Variants in PDE1C observed in about 807,000 individuals in gnomAD.
PDE1C encodes the protein dual specificity calcium/calmodulin-dependent 3',5'-cyclic nucleotide phosphodiesterase 1C.
In PDE1C, 62 loss-of-function variants were observed where a neutral mutation model predicts 93.1. The observed-to-expected ratio is 0.67, with a 90% CI of 0.54 to 0.82. The LOEUF (loss-of-function observed/expected upper bound fraction) is 0.82. Among genes scored for constraint, PDE1C ranks in the 40% least tolerant of loss-of-function variants. The pLI is 0.00. For synonymous variants in PDE1C, 325 were observed against 310.1 expected, an observed-to-expected ratio of 1.05 and a Z score of -0.50; for missense variants, 742 against 884.6, an observed-to-expected ratio of 0.84 and a Z score of 2.04.
At chr7:32,150,112 A>C (rs1273347669) in intron 3 of PDE1C, among the ~76,000 whole-genome samples, 1 of 152,174 alleles carries the variant, frequency 6.6e-6, no homozygotes, top group Non-Finnish European at 1.5e-5. Flanking sequence ...GCTCTGCAGA[A>C]CTGACTCCCA....
At chr7:32,186,007 C>T (rs200574507) in intron 2 of PDE1C, among the ~76,000 whole-genome samples, 2 of 137,704 alleles carry the variant, frequency 1.5e-5, no homozygotes, top group African/African-American at 5.5e-5. Context: ...TCTAATTCGT[C>T]TTTGCTTTTA....
chr7:31,967,560 A>T (rs552414039), intron 2 of PDE1C, among the ~76,000 whole-genome samples: 3 of 152,210 alleles, frequency 2.0e-5, no homozygotes, highest in Non-Finnish European at 2.9e-5. Flanking sequence ...ATTCCTTCTA[A>T]AACTATTCCA....
intron 2 of PDE1C, among the ~76,000 whole-genome samples, chr7:32,191,448 C>G (rs1306217303): frequency 6.6e-6 from 1 of 152,018 alleles, no homozygotes; most frequent in Non-Finnish European, 1.5e-5. Context: ...ATAGTTGTGT[C>G]ATCTCGAGAA....
At chr7:32,310,529 G>C (rs1475954346) in intron 1 of PDE1C, among the ~76,000 whole-genome samples, 1 of 152,190 alleles carries the variant, frequency 6.6e-6, no homozygotes, top group East Asian at 1.9e-4. Context: ...AAATGTAAAA[G>C]AACAGAAATT....
At chr7:31,985,373 T>C (rs1783240334) in intron 2 of PDE1C, among the ~76,000 whole-genome samples, 1 of 151,426 alleles carries the variant, frequency 6.6e-6, no homozygotes, top group South Asian at 2.1e-4. Context: ...GAGAAATCTT[T>C]TTATCTCCAA....
chr7:32,072,131 C>T (rs568206721), upstream of PDE1C, among the ~76,000 whole-genome samples: 2 of 152,278 alleles, frequency 1.3e-5, no homozygotes, highest in South Asian at 4.1e-4. Flanking sequence ...ATCATAAATG[C>T]TCACCCACTT....
intron 3 of PDE1C, among the ~76,000 whole-genome samples, chr7:32,114,485 T>A (rs570395188): frequency 2.0e-5 from 3 of 152,134 alleles, no homozygotes; most frequent in Admixed American, 2.0e-4. Flanking sequence ...GACTAAAGAC[T>A]TAAATGTAAA....
chr7:31,880,904 A>G (rs753010813), intron 2 of PDE1C, 44 bp from the exon 3 acceptor site: 2 of 1,166,134 alleles, frequency 1.7e-6, no homozygotes, highest in Non-Finnish European at 2.6e-6. Flanking sequence ...TAGAGGAAAC[A>G]AAGAATAATC....
intron 2 of PDE1C, among the ~76,000 whole-genome samples, chr7:32,002,391 C>T (rs1785586028): frequency 1.3e-5 from 2 of 152,168 alleles, no homozygotes. Context: ...GACAAGATAT[C>T]ACCTAGTTGA....
the PDE1C span, among the ~76,000 whole-genome samples, chr7:31,718,302 A>T: frequency 6.6e-6 from 1 of 152,056 alleles, no homozygotes; most frequent in Non-Finnish European, 1.5e-5. Context: ...AAATGGGCCC[A>T]CCAAGAGATT....
intron 1 of PDE1C, among the ~76,000 whole-genome samples, chr7:32,356,224 C>T (rs991757456): frequency 1.3e-5 from 2 of 152,142 alleles, no homozygotes; most frequent in South Asian, 2.1e-4. Flanking sequence ...TTTTAGAACC[C>T]CAAGAAATCA....
At chr7:31,651,318 G>A in the PDE1C span, 2 of 1,591,772 alleles carry the variant, frequency 1.3e-6, no homozygotes, top group Admixed American at 3.5e-5. Flanking sequence ...CACACACCTG[G>A]AGCAAGGAAG....
At chr7:31,743,372 C>T in the PDE1C span, among the ~76,000 whole-genome samples, 1 of 152,148 alleles carries the variant, frequency 6.6e-6, no homozygotes, top group Non-Finnish European at 1.5e-5. Flanking sequence ...TCTTCCCCCT[C>T]CTTGGAATGT....
chr7:32,147,711 C>T (rs1800982166), intron 3 of PDE1C, among the ~76,000 whole-genome samples: 1 of 152,044 alleles, frequency 6.6e-6, no homozygotes, highest in African/African-American at 2.4e-5. Flanking sequence ...ACCCCCCCTC[C>T]AAGCATTGAG....
intron 3 of PDE1C, among the ~76,000 whole-genome samples, chr7:32,089,610 G>A (rs1374347023): frequency 2.6e-5 from 4 of 152,204 alleles, no homozygotes; most frequent in Admixed American, 2.6e-4. Context: ...CAGTTCTCGT[G>A]ATAGGAACTG....
At chr7:31,891,448 T>A (rs1172595048) in intron 2 of PDE1C, among the ~76,000 whole-genome samples, 1 of 152,162 alleles carries the variant, frequency 6.6e-6, no homozygotes, top group African/African-American at 2.4e-5. Context: ...TGTTGTATAT[T>A]AAAGATACTT....
intron 1 of PDE1C, among the ~76,000 whole-genome samples, chr7:32,410,464 G>A (rs1785146406): frequency 1.3e-5 from 2 of 151,992 alleles, no homozygotes; most frequent in African/African-American, 4.8e-5. Context: ...GAAGAGGAAG[G>A]AAACGATGGC....
At chr7:32,054,542 C>T (rs913424646) in intron 1 of PDE1C, among the ~76,000 whole-genome samples, 5 of 152,096 alleles carry the variant, frequency 3.3e-5, no homozygotes, top group South Asian at 2.1e-4. Context: ...AGGGCATGCA[C>T]GTTAACTGGC....
intron 2 of PDE1C, among the ~76,000 whole-genome samples, chr7:32,049,829 T>A (rs28179): frequency 0.89 from 134,910 of 152,198 alleles, 59,906 homozygotes; most frequent in African/African-American, 0.93. Flanking sequence ...CTTTATTTCC[T>A]AACTCTTCTC....
Sources: allele counts gnomAD v4.1 joint callset (sites outside exome capture counted in the v4.1 genomes callset), GRCh38; gene constraint gnomAD v4.1.1; transcripts MANE v1.5; gene names NCBI Gene and HGNC (gene_info 2026-07-23, HGNC 2026-07-21).